The following RSPO2 variants were observed in gnomAD, a reference collection of about 807,000 sequenced individuals.
The protein encoded by RSPO2 is R-spondin 2, also known as R-spondin-2.
Under a neutral mutation model 30.9 loss-of-function variants are expected in RSPO2, and 14 were observed. The observed-to-expected ratio is 0.45, with a 90% CI of 0.30 to 0.71. The LOEUF is 0.71. RSPO2 is among the 30% of genes least tolerant of loss of function. RSPO2 has a pLI of 0.08. For missense variants in RSPO2, 264 were observed against 301.9 expected (o/e 0.87, Z 0.93); for synonymous variants, 107 against 96.4 (o/e 1.11, Z -0.64).
intron 2 of RSPO2, among the ~76,000 whole-genome samples, chr8:108,049,816 G>C (rs1812023935): frequency 6.6e-6 from 1 of 152,064 alleles, no homozygotes; most frequent in South Asian, 2.1e-4. Context: ...ATGGGCATGT[G>C]GTTTGGTTCC....
intron 5 of RSPO2, among the ~76,000 whole-genome samples, chr8:107,916,429 C>T (rs1314332250): frequency 2.6e-5 from 4 of 152,294 alleles, no homozygotes; most frequent in African/African-American, 9.6e-5. Flanking sequence ...ATTAAAATCA[C>T]TTACTTGTCA....
At chr8:107,986,189 T>A (rs73700360) in intron 3 of RSPO2, among the ~76,000 whole-genome samples, 1 of 152,198 alleles carries the variant, frequency 6.6e-6, no homozygotes, top group Non-Finnish European at 1.5e-5. Context: ...ATGCAATATA[T>A]GCAAACTAGT....
At chr8:108,063,168 G>T (rs567443549) in intron 2 of RSPO2, among the ~76,000 whole-genome samples, 1 of 151,920 alleles carries the variant, frequency 6.6e-6, no homozygotes, top group East Asian at 1.9e-4. Flanking sequence ...AATAGTGTTG[G>T]AAGTTCTGGC....
chr8:108,010,822 G>C (rs1010706945), intron 2 of RSPO2, among the ~76,000 whole-genome samples: 2 of 152,042 alleles, frequency 1.3e-5, no homozygotes, highest in Non-Finnish European at 2.9e-5. Flanking sequence ...ATAAAAATGA[G>C]AAAACATTCA....
In RSPO2 at chr8:107,900,508, T is replaced by C. The variant is rs954239337; in HGVS notation, c.*567A>G. The C allele has an allele frequency of 1.3e-5, 2 of 152,532 alleles. No individual in the cohort carries two copies. The highest frequency in any genetic ancestry group is 1.3e-4 in the Admixed American group (2 of 15,268). 9.4% of individuals were successfully genotyped at this position (152,532 alleles called of 1,614,324 possible). ...CATAAATATACAGTAAATAAGAGCTTTATATGTAGCTCCTGCAGTATATGT... is the reference window on the plus strand; with the variant it reads ...CATAAATATACAGTAAATAAGAGCTCTATATGTAGCTCCTGCAGTATATGT... On this transcript the variant is annotated 3_prime_UTR_variant, in exon 6 of 6. Coordinates refer to ENST00000276659, the MANE Select transcript of RSPO2 (RefSeq NM_178565.5).
intron 2 of RSPO2, among the ~76,000 whole-genome samples, chr8:108,064,174 C>A (rs1307419482): frequency 6.6e-6 from 1 of 152,124 alleles, no homozygotes; most frequent in Non-Finnish European, 1.5e-5. Context: ...CCAAAATTGA[C>A]AAATCGGATC....
chr8:108,002,856 A>T, intron 2 of RSPO2, among the ~76,000 whole-genome samples: 1 of 152,080 alleles, frequency 6.6e-6, no homozygotes, highest in East Asian at 1.9e-4. Flanking sequence ...AACAAAGATA[A>T]TTTTTTTAAT....
chr8:108,081,482 G>T (rs1399819827), intron 2 of RSPO2, among the ~76,000 whole-genome samples: 1 of 152,198 alleles, frequency 6.6e-6, no homozygotes, highest in Non-Finnish European at 1.5e-5. Context: ...GAAATAGACA[G>T]CTCTCACCAG....
chr8:107,988,500 T>A (rs540113775), intron 3 of RSPO2, among the ~76,000 whole-genome samples: 2 of 152,086 alleles, frequency 1.3e-5, no homozygotes, highest in Non-Finnish European at 2.9e-5. Context: ...CTTGAGATCG[T>A]TGTGATTAAA....
At chr8:108,058,239 C>T (rs1010818001) in intron 2 of RSPO2, among the ~76,000 whole-genome samples, 1 of 152,066 alleles carries the variant, frequency 6.6e-6, no homozygotes, top group African/African-American at 2.4e-5. Flanking sequence ...GAGTGAACTC[C>T]CATTCACAAT....
chr8:107,919,592 C>T (rs923483546), intron 5 of RSPO2, among the ~76,000 whole-genome samples: 7 of 152,148 alleles, frequency 4.6e-5, no homozygotes, highest in Non-Finnish European at 7.3e-5. Context: ...CTGCACTTGA[C>T]GGATTAGCTG....
chr8:107,963,629 A>G (rs1052732522), intron 3 of RSPO2, among the ~76,000 whole-genome samples: 2 of 150,992 alleles, frequency 1.3e-5, no homozygotes, highest in African/African-American at 4.9e-5. Flanking sequence ...GAAGTAGCTT[A>G]CGGAAGTTAA....
chr8:107,936,315 T>C (rs898461125), intron 5 of RSPO2, among the ~76,000 whole-genome samples: 1 of 152,216 alleles, frequency 6.6e-6, no homozygotes, highest in South Asian at 2.1e-4. Context: ...TGTGTTTATA[T>C]ACCACATTTT....
chr8:107,961,559 A>G (rs1163287503), intron 3 of RSPO2, among the ~76,000 whole-genome samples: 3 of 152,164 alleles, frequency 2.0e-5, no homozygotes, highest in Non-Finnish European at 4.4e-5. Flanking sequence ...CGCTCACTGC[A>G]GTCCACTAGG....
intron 3 of RSPO2, among the ~76,000 whole-genome samples, chr8:107,963,931 C>T (rs1032911654): frequency 6.6e-6 from 1 of 152,210 alleles, no homozygotes; most frequent in Non-Finnish European, 1.5e-5. Flanking sequence ...CTTCAACATA[C>T]ACCTTCATTT....
chr8:107,955,578 A>G (rs1479655079), intron 5 of RSPO2, among the ~76,000 whole-genome samples: 1 of 152,072 alleles, frequency 6.6e-6, no homozygotes, highest in Admixed American at 6.5e-5. Flanking sequence ...TTTTAAAAAA[A>G]GAAAGCAAAT....
chr8:108,071,045 CA>C (rs1812829704), intron 2 of RSPO2, among the ~76,000 whole-genome samples: 1 of 151,392 alleles, frequency 6.6e-6, no homozygotes, highest in South Asian at 2.1e-4. Flanking sequence ...TCAACAACAA[CA>C]AAAAACGACT....
chr8:107,964,229 T>A (rs1813723699), intron 3 of RSPO2, among the ~76,000 whole-genome samples: 1 of 152,180 alleles, frequency 6.6e-6, no homozygotes, highest in South Asian at 2.1e-4. Context: ...TTTTATGCAT[T>A]CATTCGTTCA....
intron 2 of RSPO2, among the ~76,000 whole-genome samples, chr8:108,005,206 G>A (rs906021712): frequency 2.6e-5 from 4 of 152,164 alleles, no homozygotes; most frequent in Admixed American, 1.3e-4. Context: ...GGCACACGAT[G>A]CATTTTGGTC....
Sources: gnomAD v4.1 joint callset for allele counts (sites outside exome capture counted in the v4.1 genomes callset) on GRCh38, gnomAD v4.1.1 for gene constraint, MANE v1.5 for transcripts, NCBI Gene and HGNC (gene_info 2026-07-23, HGNC 2026-07-21) for gene names.